Variants in PUM2 observed in about 807,000 individuals in gnomAD.
PUM2 encodes pumilio homolog 2.
Under a neutral mutation model 124.5 loss-of-function variants are expected in PUM2, and 57 were observed. The ratio of observed to expected loss-of-function variants is 0.46; its 90% CI spans 0.37 to 0.57. The LOEUF is 0.57. Among genes scored for constraint, PUM2 ranks in the 20% least tolerant of loss-of-function variants. The probability of loss-of-function intolerance (pLI) is 0.00; values close to 1 mark genes in which losing one functional copy is unlikely to be tolerated. For synonymous variants in PUM2, 460 were observed against 446.1 expected (o/e 1.03, Z -0.39); for missense variants, 1,065 against 1,290.6 (o/e 0.83, Z 2.68).
intron 10 of PUM2, among the ~76,000 whole-genome samples, chr2:20,289,045 C>A (rs1461490605): frequency 6.6e-6 from 1 of 152,070 alleles, no homozygotes; most frequent in Non-Finnish European, 1.5e-5. Context: ...GTAATCCCAG[C>A]ACTTTGGGAG....
At chr2:20,280,577 A>G (rs911631093) in intron 12 of PUM2, among the ~76,000 whole-genome samples, 1 of 152,226 alleles carries the variant, frequency 6.6e-6, no homozygotes, top group African/African-American at 2.4e-5. Flanking sequence ...CCCCTGACAA[A>G]TAATCCAAGA....
In PUM2 at chr2:20,311,671, A is replaced by G. The variant is rs1210649608; in HGVS notation, c.349-8T>C. 6.2e-7 allele frequency: 1 copy of G among 1,605,772 alleles called. No homozygotes were observed. Among genetic ancestry groups the G allele is most frequent in the Non-Finnish European group, 8.5e-7 (1 of 1,177,992 alleles). ...TTCAGCATCTCTAGTGCCCTGAGGA[A>G]AAAGAATCTGTTTGATTCTGAATAT... On this transcript the variant is annotated splice_polypyrimidine_tract_variant and splice_region_variant and intron_variant, in intron 4 of 20. Transcript: ENST00000361078.
At chr2:20,284,516 C>G (rs750191958) in intron 10 of PUM2, among the ~76,000 whole-genome samples, 1 of 151,192 alleles carries the variant, frequency 6.6e-6, no homozygotes, top group African/African-American at 2.4e-5. Flanking sequence ...CCACCAGGTC[C>G]GGATAATTTA....
chr2:20,261,248 G>A (rs1256021920), intron 14 of PUM2, among the ~76,000 whole-genome samples: 2 of 151,492 alleles, frequency 1.3e-5, no homozygotes, highest in Non-Finnish European at 2.9e-5. Context: ...AAAATTAGTT[G>A]GGCACGGTGG....
At chr2:20,324,857 ACACT>A (rs1240006928) in intron 2 of PUM2, among the ~76,000 whole-genome samples, 1 of 152,128 alleles carries the variant, frequency 6.6e-6, no homozygotes, top group East Asian at 1.9e-4. Flanking sequence ...GAGATTTACA[ACACT>A]TAAGACAACA....
intron 7 of PUM2, among the ~76,000 whole-genome samples, chr2:20,305,997 G>T (rs1165069890): frequency 4.6e-5 from 7 of 152,092 alleles, no homozygotes; most frequent in Admixed American, 2.6e-4. Context: ...GAGGTGGGTG[G>T]ATCACTTGAG....
At chr2:20,295,690 T>G (rs1336663179) in intron 8 of PUM2, among the ~76,000 whole-genome samples, 3 of 152,162 alleles carry the variant, frequency 2.0e-5, no homozygotes, top group African/African-American at 7.2e-5. Flanking sequence ...ATAAAAAATA[T>G]AAGTTTTGTA....
At chr2:20,308,274 CA>C in intron 6 of PUM2, 39 bp downstream of exon 6, 1 of 1,594,186 alleles carries the variant, frequency 6.3e-7, no homozygotes, top group Non-Finnish European at 8.6e-7. Context: ...AACCAGTATA[CA>C]GTTAAGAGGA....
At chr2:20,269,279 C>T (rs1668482034) in intron 13 of PUM2, among the ~76,000 whole-genome samples, 1 of 152,088 alleles carries the variant, frequency 6.6e-6, no homozygotes, top group Non-Finnish European at 1.5e-5. Context: ...CAGCTTACTG[C>T]AAGCTCCGCC....
chr2:20,276,653 G>C (rs1670341407), intron 13 of PUM2, among the ~76,000 whole-genome samples: 1 of 151,978 alleles, frequency 6.6e-6, no homozygotes, highest in South Asian at 2.1e-4. Flanking sequence ...TCATAGGGAA[G>C]TGCAGAGTAG....
intron 7 of PUM2, among the ~76,000 whole-genome samples, chr2:20,305,633 AAAAG>A (rs1678074272): frequency 6.6e-6 from 1 of 152,080 alleles, no homozygotes; most frequent in Non-Finnish European, 1.5e-5. Flanking sequence ...AGAGTATGTT[AAAAG>A]AAATAATTAT....
At chr2:20,343,807 T>C (rs1687684518) in intron 1 of PUM2, among the ~76,000 whole-genome samples, 1 of 152,180 alleles carries the variant, frequency 6.6e-6, no homozygotes, top group South Asian at 2.1e-4. Context: ...TGTGCGCCTG[T>C]AATGCCAGCT....
At chr2:20,280,706 A>G (rs190941986) in intron 12 of PUM2, among the ~76,000 whole-genome samples, 8 of 152,292 alleles carry the variant, frequency 5.3e-5, no homozygotes, top group Admixed American at 2.0e-4. Context: ...AAGTTTTACT[A>G]TATGTCTAAA....
chr2:20,278,841 C>A (rs771165659), intron 12 of PUM2, 22 bp from the exon 13 acceptor site: 12 of 1,571,366 alleles, frequency 7.6e-6, no homozygotes, highest in Non-Finnish European at 1.0e-5. Context: ...ATAAAAAAAA[C>A]CCTAATTACA....
In PUM2 at chr2:20,256,117, C is replaced by T. The variant is rs1664705578; in HGVS notation, c.2538G>A (p.Gln846=). The change falls in exon 17 of 21, where the codon CAG becomes CAA. Residue 846 remains glutamine, a synonymous_variant. Transcript: ENST00000361078. ...DGHVLKCVKD[Q]NGNHVVQKCI... Reference sequence around the variant, plus strand: ...ATTTTTGTACAACATGGTTTCCATTCTGATCTTTCACACATTTGAGCACAT... The same window carrying T: ...ATTTTTGTACAACATGGTTTCCATTTTGATCTTTCACACATTTGAGCACAT... The T allele has an allele frequency of 6.2e-7, 1 of 1,602,314 alleles. No individual in the cohort carries two copies. The highest frequency in any genetic ancestry group is 1.8e-5 in the Admixed American group (1 of 57,126).
Position 20,283,384 on chromosome 2 carries a change from G to A in PUM2, c.1394C>T (p.Ala465Val). The A allele has an allele frequency of 1.2e-6, 2 of 1,614,098 alleles. No individual in the cohort carries two copies. The highest frequency in any genetic ancestry group is 2.2e-5 in the South Asian group (2 of 91,082). Residue 465 changes from alanine (A) to valine (V), a missense_variant, in exon 11 of 21, where the codon GCT becomes GTT. Transcript: ENST00000361078. ...TGLGAPVRLMAPTPVLISSAA... is the reference protein window; with the variant it reads ...TGLGAPVRLMVPTPVLISSAA... ...TGAACTAATTAAAACAGGTGTTGGA[G>A]CCATTAACCGAACTGGAGCTCCAAG... is the stretch of plus-strand genomic sequence containing the variant.
chr2:20,296,664 T>C (rs1348321442), intron 8 of PUM2, among the ~76,000 whole-genome samples: 5 of 128,324 alleles, frequency 3.9e-5, no homozygotes, highest in Admixed American at 2.7e-4. Flanking sequence ...AGCAGACTCA[T>C]TCCAATAAAC....
intron 1 of PUM2, among the ~76,000 whole-genome samples, chr2:20,336,227 C>A (rs944381039): frequency 6.6e-6 from 1 of 151,682 alleles, no homozygotes. Flanking sequence ...CTCACTATTG[C>A]CCAGGATGGA....
chr2:20,261,279 TAC>T (rs987036100), intron 14 of PUM2, among the ~76,000 whole-genome samples: 3 of 150,752 alleles, frequency 2.0e-5, no homozygotes, highest in African/African-American at 7.3e-5. Flanking sequence ...TAAGCCCAGC[TAC>T]TCAGGAGGCT....
Sources: allele counts gnomAD v4.1 joint callset (sites outside exome capture counted in the v4.1 genomes callset), GRCh38; gene constraint gnomAD v4.1.1; transcripts MANE v1.5; gene names NCBI Gene and HGNC (gene_info 2026-07-23, HGNC 2026-07-21).